CXCL13: variants seen among roughly 807,000 people sequenced by gnomAD.
The protein encoded by CXCL13 is C-X-C motif chemokine ligand 13.
CXCL13 carries 7 observed loss-of-function variants against 12.2 expected under a neutral mutation model. The observed-to-expected ratio is 0.57, with a 90% CI of 0.33 to 1.07. The LOEUF is 1.07. Among genes scored for constraint, CXCL13 ranks in the 50% least tolerant of loss-of-function variants. The probability of loss-of-function intolerance (pLI) is 0.04; values close to 1 mark genes in which losing one functional copy is unlikely to be tolerated. For missense variants in CXCL13, 113 were observed against 127.4 expected (o/e 0.89, Z 0.55); for synonymous variants, 47 against 42.4 (o/e 1.11, Z -0.42).
intron 1 of CXCL13, among the ~76,000 whole-genome samples, chr4:77,598,967 C>A (rs1264477396): frequency 6.6e-6 from 1 of 152,116 alleles, no homozygotes; most frequent in Non-Finnish European, 1.5e-5. Flanking sequence ...TGCCACTATG[C>A]CCGACTAATT....
chr4:77,590,774 C>G (rs944575369), intron 1 of CXCL13, among the ~76,000 whole-genome samples: 6 of 152,200 alleles, frequency 3.9e-5, no homozygotes, highest in African/African-American at 1.4e-4. Flanking sequence ...GCTCCAGGCC[C>G]CAGTACAGGG....
chr4:77,576,208 G>C (rs1249626676), intron 1 of CXCL13, among the ~76,000 whole-genome samples: 1 of 149,460 alleles, frequency 6.7e-6, no homozygotes, highest in Non-Finnish European at 1.5e-5. Flanking sequence ...AGCAAAACTA[G>C]AGTTAACTGG....
intron 1 of CXCL13, among the ~76,000 whole-genome samples, chr4:77,536,480 G>A (rs1478849919): frequency 6.6e-6 from 1 of 152,162 alleles, no homozygotes; most frequent in East Asian, 1.9e-4. Flanking sequence ...CTACCAACCA[G>A]CTGTATAAAT....
At chr4:77,512,762 CTTTAGTGTA>C (rs1724306747) in intron 1 of CXCL13, among the ~76,000 whole-genome samples, 1 of 152,078 alleles carries the variant, frequency 6.6e-6, no homozygotes, top group Non-Finnish European at 1.5e-5. Flanking sequence ...CAGAACATTA[CTTTAGTGTA>C]TATTTTTTGT....
At chr4:77,525,096 C>A (rs1724726871) in intron 1 of CXCL13, among the ~76,000 whole-genome samples, 1 of 152,176 alleles carries the variant, frequency 6.6e-6, no homozygotes, top group African/African-American at 2.4e-5. Flanking sequence ...CTCTCTCCCC[C>A]ATGTGCTCTC....
At chr4:77,558,655 A>T (rs1417789748) in intron 1 of CXCL13, among the ~76,000 whole-genome samples, 1 of 152,198 alleles carries the variant, frequency 6.6e-6, no homozygotes, top group East Asian at 1.9e-4. Context: ...ACTCAGCTGG[A>T]GTAAACCACT....
At chr4:77,563,981 G>T (rs549975213) in intron 1 of CXCL13, among the ~76,000 whole-genome samples, 3 of 152,224 alleles carry the variant, frequency 2.0e-5, no homozygotes, top group African/African-American at 7.2e-5. Flanking sequence ...AGTTTCGAGG[G>T]CATGTGACAG....
At chr4:77,513,707 C>A (rs935132346) in intron 1 of CXCL13, among the ~76,000 whole-genome samples, 48 of 152,136 alleles carry the variant, frequency 3.2e-4, no homozygotes, top group Non-Finnish European at 2.9e-4. Context: ...CCAACTCAGC[C>A]TCCCAAAATG....
chr4:77,597,981 TG>T (rs1318931512), intron 1 of CXCL13, among the ~76,000 whole-genome samples: 2 of 152,230 alleles, frequency 1.3e-5, no homozygotes, highest in Non-Finnish European at 2.9e-5. Flanking sequence ...GAGTGCTTGA[TG>T]TCATTGGAGC....
At chr4:77,592,031 T>C (rs1186273485) in intron 1 of CXCL13, among the ~76,000 whole-genome samples, 1 of 152,198 alleles carries the variant, frequency 6.6e-6, no homozygotes, top group Non-Finnish European at 1.5e-5. Context: ...GCCACCTTGA[T>C]CAGAAAAGAA....
At chr4:77,572,328 G>A (rs1726105615) in intron 1 of CXCL13, among the ~76,000 whole-genome samples, 1 of 151,948 alleles carries the variant, frequency 6.6e-6, no homozygotes, top group Admixed American at 6.5e-5. Flanking sequence ...TTGAACCTGG[G>A]AGGTGGAGGT....
chr4:77,578,993 C>G (rs190640846), intron 1 of CXCL13, among the ~76,000 whole-genome samples: 5 of 152,252 alleles, frequency 3.3e-5, no homozygotes, highest in Admixed American at 3.3e-4. Flanking sequence ...TTTGAACTTC[C>G]TTCATCATCT....
intron 1 of CXCL13, among the ~76,000 whole-genome samples, chr4:77,582,248 G>A (rs1726354462): frequency 6.6e-6 from 1 of 152,144 alleles, no homozygotes; most frequent in Non-Finnish European, 1.5e-5. Flanking sequence ...GCTGGGCCCT[G>A]TGGACAAACA....
intron 1 of CXCL13, among the ~76,000 whole-genome samples, chr4:77,515,762 A>G (rs1189561581): frequency 6.6e-6 from 1 of 152,204 alleles, no homozygotes; most frequent in Non-Finnish European, 1.5e-5. Context: ...AACAGGGACA[A>G]TTTGACTTCC....
intron 1 of CXCL13, among the ~76,000 whole-genome samples, chr4:77,557,673 C>T (rs1015394395): frequency 1.3e-5 from 2 of 152,166 alleles, no homozygotes; most frequent in Admixed American, 6.5e-5. Flanking sequence ...GTGCATTGAG[C>T]GGGGCAGGTC....
intron 1 of CXCL13, among the ~76,000 whole-genome samples, chr4:77,557,945 A>G (rs937773259): frequency 2.0e-5 from 3 of 152,142 alleles, no homozygotes; most frequent in African/African-American, 7.2e-5. Flanking sequence ...AGTGTGAGCT[A>G]TTGACCTTTC....
intron 1 of CXCL13, among the ~76,000 whole-genome samples, chr4:77,520,376 C>A (rs1724560351): frequency 6.6e-6 from 1 of 152,086 alleles, no homozygotes; most frequent in African/African-American, 2.4e-5. Flanking sequence ...TTGTTTGTGT[C>A]CTCTTTTATT....
At chr4:77,559,934 A>AAAC (rs1560526160) in intron 1 of CXCL13, among the ~76,000 whole-genome samples, 1 of 151,386 alleles carries the variant, frequency 6.6e-6, no homozygotes, top group African/African-American at 2.4e-5. Context: ...AAAAAAAAAA[A>AAAC]AAAAAACCTG....
chr4:77,520,214 A>G (rs1442785825), intron 1 of CXCL13, among the ~76,000 whole-genome samples: 2 of 152,142 alleles, frequency 1.3e-5, no homozygotes, highest in Non-Finnish European at 2.9e-5. Flanking sequence ...TTTTGGTTCC[A>G]TATGAACTTT....
Sources: gnomAD v4.1 joint callset for allele counts (sites outside exome capture counted in the v4.1 genomes callset) on GRCh38, gnomAD v4.1.1 for gene constraint, MANE v1.5 for transcripts, NCBI Gene and HGNC (gene_info 2026-07-23, HGNC 2026-07-21) for gene names.